RTN1: variants seen among roughly 807,000 people sequenced by gnomAD.
RTN1 encodes the protein reticulon-1.
Under a neutral mutation model 65.5 loss-of-function variants are expected in RTN1, and 25 were observed. The observed-to-expected ratio is 0.38, with a 90% CI of 0.28 to 0.53. The LOEUF (loss-of-function observed/expected upper bound fraction) is 0.53, where lower values mean the gene tolerates loss of function less well. Among genes scored for constraint, RTN1 ranks in the 20% least tolerant of loss-of-function variants. The pLI, the probability that RTN1 is intolerant of heterozygous loss-of-function variation, is 0.79. For missense variants in RTN1, 983 were observed against 1,025.4 expected, an observed-to-expected ratio of 0.96 and a Z score of 0.57; for synonymous variants, 471 against 447.6, an observed-to-expected ratio of 1.05 and a Z score of -0.66.
At chr14:59,797,210 C>G (rs982368136) in intron 1 of RTN1, among the ~76,000 whole-genome samples, 6 of 152,180 alleles carry the variant, frequency 3.9e-5, no homozygotes, top group Non-Finnish European at 7.4e-5. Context: ...CAAAACAAAT[C>G]TTCGTCACCA....
chr14:59,630,239 G>C (rs1882506814), intron 3 of RTN1, among the ~76,000 whole-genome samples: 1 of 149,156 alleles, frequency 6.7e-6, no homozygotes, highest in Non-Finnish European at 1.5e-5. Context: ...AAGGGGTGGG[G>C]GTGGGGTTAA....
chr14:59,861,982 A>G (rs1431941662), intron 1 of RTN1, among the ~76,000 whole-genome samples: 1 of 152,100 alleles, frequency 6.6e-6, no homozygotes, highest in East Asian at 1.9e-4. Context: ...TAGGGGAGCT[A>G]TTACCTCGTA....
intron 1 of RTN1, among the ~76,000 whole-genome samples, chr14:59,821,153 T>C (rs1224811137): frequency 6.6e-6 from 1 of 152,240 alleles, no homozygotes; most frequent in Non-Finnish European, 1.5e-5. Context: ...TCATGAAATG[T>C]TTTTCCATTT....
At position 59,718,097 on chromosome 14, in the gene RTN1, T is replaced by C. The variant is rs373438250; in HGVS notation, c.1765+8822A>G. 4.6e-5 allele frequency among the ~76,000 whole-genome samples: 7 copies of C among 152,204 alleles called. No individual in the cohort carries two copies. In the East Asian group the frequency reaches 5.8e-4, roughly 13 times the overall value. ...CAGTTCCACTGAGCCCCTAATCTGC[T>C]CTTCCTGCCATTCACACCCACTTCC... On this transcript the variant is annotated intron_variant, in intron 3 of 8. Coordinates refer to ENST00000267484, the MANE Select transcript of RTN1 (RefSeq NM_021136.3).
intron 1 of RTN1, among the ~76,000 whole-genome samples, chr14:59,751,536 C>A (rs533863442): frequency 5.3e-5 from 8 of 152,074 alleles, no homozygotes; most frequent in Non-Finnish European, 1.0e-4. Context: ...TAATTATTCA[C>A]CAGAAAGTGA....
chr14:59,641,978 T>G (rs1433948994), intron 3 of RTN1, among the ~76,000 whole-genome samples: 1 of 152,228 alleles, frequency 6.6e-6, no homozygotes, highest in Non-Finnish European at 1.5e-5. Context: ...TCCTTCCATC[T>G]GAGATCCTTT....
chr14:59,597,749 C>T lies in RTN1; in HGVS notation c.2289-962G>A, dbSNP rs976979480. Among the ~76,000 whole-genome samples, 19 of 152,302 alleles carry T rather than the reference C, an allele frequency of 1.2e-4. No homozygotes were observed. The East Asian group carries it at 3.7e-3, about 29-fold the overall frequency. On this transcript the variant is annotated intron_variant, in intron 8 of 8. Transcript: ENST00000267484. ...GTGTACCACCTCTTTTAAATCCACTCATCTGAGAAACTGATCCTCAGAGGA... is the reference window on the plus strand; with the variant it reads ...GTGTACCACCTCTTTTAAATCCACTTATCTGAGAAACTGATCCTCAGAGGA...
At chr14:59,662,104 T>C (rs542041834) in intron 3 of RTN1, among the ~76,000 whole-genome samples, 3 of 152,228 alleles carry the variant, frequency 2.0e-5, no homozygotes, top group African/African-American at 7.2e-5. Flanking sequence ...TCACAAGCAT[T>C]CTTTTTATTT....
At chr14:59,641,827 C>CT (rs1261402831) in intron 3 of RTN1, among the ~76,000 whole-genome samples, 1 of 152,208 alleles carries the variant, frequency 6.6e-6, no homozygotes, top group African/African-American at 2.4e-5. Context: ...TGTGCTAGGG[C>CT]TTTTATATAT....
chr14:59,603,723 T>C, intron 6 of RTN1, 129 bp downstream of exon 6: 4 of 592,974 alleles, frequency 6.7e-6, no homozygotes, highest in Non-Finnish European at 9.1e-6. Context: ...AGAGAAGTGC[T>C]CTGCACTCAG....
chr14:59,810,767 G>T (rs529819402), intron 1 of RTN1, among the ~76,000 whole-genome samples: 43 of 152,218 alleles, frequency 2.8e-4, no homozygotes, highest in African/African-American at 9.4e-4. Context: ...AGGTGAAGAG[G>T]ACAAGGACAA....
At chr14:59,689,333 A>G (rs563824504) in intron 3 of RTN1, among the ~76,000 whole-genome samples, 10 of 152,214 alleles carry the variant, frequency 6.6e-5, no homozygotes, top group Non-Finnish European at 1.3e-4. Context: ...TAAACCTATG[A>G]ATTAGTGGCA....
At chr14:59,826,446 T>C (rs1887032409) in intron 1 of RTN1, among the ~76,000 whole-genome samples, 1 of 152,200 alleles carries the variant, frequency 6.6e-6, no homozygotes, top group Non-Finnish European at 1.5e-5. Context: ...GCTATGTCTA[T>C]GTCACCTCCA....
chr14:59,676,888 T>C (rs1203353253), intron 3 of RTN1, among the ~76,000 whole-genome samples: 2 of 152,184 alleles, frequency 1.3e-5, no homozygotes, highest in African/African-American at 4.8e-5. Context: ...GGCTTAGATA[T>C]ATGCTTGTTC....
chr14:59,600,446 TA>T, intron 8 of RTN1, among the ~76,000 whole-genome samples: 1 of 152,186 alleles, frequency 6.6e-6, no homozygotes, highest in Non-Finnish European at 1.5e-5. Flanking sequence ...CTCATACAGC[TA>T]AAAATGCCAG....
At chr14:59,789,643 A>G (rs1196137884) in intron 1 of RTN1, among the ~76,000 whole-genome samples, 1 of 152,098 alleles carries the variant, frequency 6.6e-6, no homozygotes, top group Non-Finnish European at 1.5e-5. Flanking sequence ...GCTGGGTATA[A>G]CAACATGCTT....
rs377186777 is a variant in RTN1 at position 59,727,493 on chromosome 14, G to T, written c.1191C>A (p.Ser397Arg). 42 of 1,590,118 alleles carry T rather than the reference G, an allele frequency of 2.6e-5. No homozygotes were observed. Among genetic ancestry groups the T allele is most frequent in the Non-Finnish European group, 3.3e-5 (39 of 1,168,954 alleles). Residue 397 changes from serine (S) to arginine (R), a missense_variant, in exon 3 of 9, where the codon AGC (serine) becomes AGA (arginine). Ser to Arg is a moderately radical substitution (Grantham distance 110). This residue lies in a region of RTN1 where 818 missense variants were observed against 801.8 expected (regional missense o/e 1.02). Transcript: ENST00000267484. The surrounding 1 kb of genome is among the most constrained non-coding windows in gnomAD (Gnocchi z 4.2). The stretch of plus-strand genomic sequence containing the variant: ...CGCTGCTGGCCTCGTGGTCCAGGGG[G>T]CTGGGGATGGTTGGCGGTCCGGACC... The part of the protein sequence containing the change: ...KARSGPPTIP[S>R]PLDHEASSAE...
intron 3 of RTN1, among the ~76,000 whole-genome samples, chr14:59,686,921 C>A (rs565298747): frequency 6.6e-6 from 1 of 152,206 alleles, no homozygotes; most frequent in Non-Finnish European, 1.5e-5. Flanking sequence ...GGCAGCATGG[C>A]CACTTAGGCA....
rs1566712313 is a variant in RTN1 at position 59,749,599 on chromosome 14, C to CTATATATAGA, written c.242-3119_242-3118insTCTATATATA. Reference sequence around the variant, plus strand: ...TATATATAGATATTTATATATATATCTATCTATATATATTTATATAGATAT... The same window carrying CTATATATAGA: ...TATATATAGATATTTATATATATATCTATATATAGATATCTATATATATTTATATAGATAT... On this transcript the variant is annotated intron_variant, in intron 1 of 8. Transcript: ENST00000267484. 5.6e-3 allele frequency among the ~76,000 whole-genome samples: 123 copies of CTATATATAGA among 21,860 alleles called. 1 individual carries two copies. Among genetic ancestry groups the CTATATATAGA allele is most frequent in the African/African-American group, 0.036 (114 of 3,126 alleles). 14.3% of individuals were successfully genotyped at this position (21,860 alleles called of 152,430 possible).
Sources: gnomAD v4.1 joint callset for allele counts (sites outside exome capture counted in the v4.1 genomes callset) on GRCh38, gnomAD v4.1.1 for gene constraint, gnomAD v4.1.1 regional missense constraint, Gnocchi (gnomAD v3.1) non-coding constraint, MANE v1.5 for transcripts, NCBI Gene and HGNC (gene_info 2026-07-23, HGNC 2026-07-21) for gene names.